Variants in CAMK2A observed in about 807,000 individuals in gnomAD.
CAMK2A encodes calcium/calmodulin dependent protein kinase II alpha.
CAMK2A carries 7 observed loss-of-function variants against 79.2 expected under a neutral mutation model. The observed-to-expected ratio is 0.09, with a 90% CI of 0.05 to 0.17. The LOEUF (loss-of-function observed/expected upper bound fraction) is 0.17, where lower values mean the gene tolerates loss of function less well. Among genes scored for constraint, CAMK2A ranks in the 10% least tolerant of loss-of-function variants. CAMK2A has a pLI of 1.00. For synonymous variants in CAMK2A, 242 were observed against 251.7 expected, an observed-to-expected ratio of 0.96 and a Z score of 0.36; for missense variants, 214 against 646.4, an observed-to-expected ratio of 0.33 and a Z score of 7.25.
At chr5:150,268,034 A>C (rs1355057851) in intron 2 of CAMK2A, among the ~76,000 whole-genome samples, 1 of 151,734 alleles carries the variant, frequency 6.6e-6, no homozygotes, top group Non-Finnish European at 1.5e-5. Context: ...CCACCATGCC[A>C]GGCTAATATT....
chr5:150,239,661 G>A (rs757304539), intron 14 of CAMK2A, 43 bp downstream of exon 14: 17 of 1,602,526 alleles, frequency 1.1e-5, no homozygotes, highest in South Asian at 4.4e-5. Context: ...GCAAGGGTTC[G>A]AGGCCCAGCA....
intron 6 of CAMK2A, among the ~76,000 whole-genome samples, chr5:150,255,891 C>T (rs1006936011): frequency 1.3e-5 from 2 of 152,202 alleles, no homozygotes; most frequent in Admixed American, 1.3e-4. Flanking sequence ...TAGTTTCCTG[C>T]TCTGCAAAAT....
Position 150,264,997 on chromosome 5 carries a change from C to T in CAMK2A, c.176G>A (p.Arg59His). Residue 59 changes from arginine (R) to histidine (H), a missense_variant, in exon 3 of 19, where the codon CGT becomes CAT. Transcript: ENST00000671881. ...CAGCAGGCGGCAGATGCGGGCTTCA[C>T]GCTCCAGCTTCTGATGGTCTGAAAC... ...LSARDHQKLE[R>H]EARICRLLKH... 1.9e-6 allele frequency: 3 copies of T among 1,613,830 alleles called. No homozygotes were observed. Among genetic ancestry groups the T allele is most frequent in the Non-Finnish European group, 2.5e-6 (3 of 1,179,754 alleles).
intron 3 of CAMK2A, among the ~76,000 whole-genome samples, chr5:150,262,229 C>T (rs1486670173): frequency 6.6e-6 from 1 of 152,196 alleles, no homozygotes; most frequent in African/African-American, 2.4e-5. Context: ...AGAGCAGTGG[C>T]CACACAGAAG....
chr5:150,278,826 T>G (rs1309531339), intron 1 of CAMK2A, among the ~76,000 whole-genome samples: 2 of 152,066 alleles, frequency 1.3e-5, no homozygotes, highest in Non-Finnish European at 2.9e-5. Context: ...AAGAGTGTGA[T>G]GCTGTGAGGC....
chr5:150,287,937 C>CTGTGTGTG (rs57886187), intron 1 of CAMK2A, among the ~76,000 whole-genome samples: 1,472 of 140,842 alleles, frequency 0.01, 15 homozygotes, highest in East Asian at 0.019. Context: ...AGGATAGCCT[C>CTGTGTGTG]TGTGTGTGTG....
At chr5:150,226,594 G>A (rs1274617892) in intron 17 of CAMK2A, among the ~76,000 whole-genome samples, 8 of 151,280 alleles carry the variant, frequency 5.3e-5, no homozygotes, top group South Asian at 2.1e-4. Flanking sequence ...AAAATTAGCC[G>A]GGTGTGTTGG....
chr5:150,284,826 G>A lies in CAMK2A; in HGVS notation c.62+4738C>T, dbSNP rs1757358477. Among the ~76,000 whole-genome samples the A allele has an allele frequency of 6.6e-6, 1 of 152,120 alleles. No individual in the cohort carries two copies. Among genetic ancestry groups the A allele is most frequent in the Non-Finnish European group, 1.5e-5 (1 of 68,018 alleles). ...AGAGACCAAGGCAAGGACCATCTAT[G>A]CAATGAGCAGAGCATCTCCATGGTC... On this transcript the variant is annotated intron_variant, in intron 1 of 18. Coordinates refer to ENST00000671881, the MANE Select transcript of CAMK2A (RefSeq NM_015981.4). This position sits in a 1 kb window ranked among gnomAD's most constrained non-coding sequence, Gnocchi z 5.3.
intron 12 of CAMK2A, among the ~76,000 whole-genome samples, chr5:150,247,329 G>A (rs1755614905): frequency 6.6e-6 from 1 of 152,234 alleles, no homozygotes; most frequent in Non-Finnish European, 1.5e-5. Context: ...AGGGATGGCA[G>A]CACCCCCATC....
chr5:150,235,474 C>A (rs888467211), intron 15 of CAMK2A, among the ~76,000 whole-genome samples: 6 of 152,264 alleles, frequency 3.9e-5, no homozygotes, highest in African/African-American at 1.2e-4. Flanking sequence ...GGTTAAGACA[C>A]TCTCTCAAGA....
At chr5:150,239,168 C>T (rs1319656823) in intron 14 of CAMK2A, among the ~76,000 whole-genome samples, 2 of 152,116 alleles carry the variant, frequency 1.3e-5, no homozygotes, top group Non-Finnish European at 2.9e-5. Flanking sequence ...GGGAGAAAAA[C>T]CACACGACTG....
chr5:150,270,130 A>G (rs540726303), intron 2 of CAMK2A, among the ~76,000 whole-genome samples: 40 of 152,304 alleles, frequency 2.6e-4, no homozygotes, highest in African/African-American at 8.9e-4. Context: ...GCTATACAGC[A>G]CCTGATGGGG....
At chr5:150,228,709 A>T (rs1001013240) in intron 16 of CAMK2A, among the ~76,000 whole-genome samples, 4 of 151,738 alleles carry the variant, frequency 2.6e-5, no homozygotes, top group African/African-American at 4.8e-5. Context: ...TGGGGTCGGG[A>T]TGGGGGACAC....
At chr5:150,274,373 G>C (rs191882865) in intron 1 of CAMK2A, among the ~76,000 whole-genome samples, 1 of 152,298 alleles carries the variant, frequency 6.6e-6, no homozygotes, top group East Asian at 1.9e-4. Flanking sequence ...ATATTGATGA[G>C]AAGTTTCCCA....
intron 12 of CAMK2A, 137 bp from the exon 13 acceptor site, chr5:150,245,338 GCCTCCTCCTCCTCCTCCTCCT>G (rs34649296): frequency 0.049 from 32,361 of 659,128 alleles, 3,323 homozygotes; most frequent in African/African-American, 0.33. Flanking sequence ...CCTGGGGGAG[GCCTCCTCCTCCTCCTCCTCCT>G]CCTCCTCCTC....
Position 150,240,587 on chromosome 5 carries a change from C to T in CAMK2A, c.985-851G>A, listed in dbSNP as rs116217760. Among the ~76,000 whole-genome samples the T allele has an allele frequency of 3.7e-3, 570 of 152,308 alleles. 3 individuals carry two copies. The highest frequency in any genetic ancestry group is 0.013 in the African/African-American group (540 of 41,560). ...GGAGAGGGGGACAAATGTAAATTAC[C>T]TTCTCCTTCCCTCAGCTCTCCAAGC... On this transcript the variant is annotated intron_variant, in intron 13 of 18. Transcript: ENST00000671881.
intron 2 of CAMK2A, among the ~76,000 whole-genome samples, chr5:150,268,160 C>A (rs1034948116): frequency 6.6e-6 from 1 of 152,064 alleles, no homozygotes; most frequent in Admixed American, 6.5e-5. Flanking sequence ...TTACCGTGCC[C>A]GGACCCACCA....
At chr5:150,231,548 G>A (rs1202597678) in intron 15 of CAMK2A, among the ~76,000 whole-genome samples, 168 bp from the exon 16 acceptor site, 3 of 149,838 alleles carry the variant, frequency 2.0e-5, no homozygotes, top group South Asian at 2.1e-4. Context: ...ATTTATCCTC[G>A]CATTGCTGCT....
chr5:150,220,399 G>A lies in CAMK2A; in HGVS notation c.*2311C>T, dbSNP rs559808389. The A allele has an allele frequency of 4.2e-4, 64 of 152,452 alleles. No homozygotes were observed. The highest frequency in any genetic ancestry group is 1.5e-3 in the African/African-American group (63 of 41,568). The allele number at this position is 152,452 out of a possible 1,614,324, so 9.4% of individuals were successfully genotyped here. Reference sequence around the variant, plus strand: ...TGACCAGGTCTAGAAGTAAACAGGAGTCCAGCCAGTGACTATCCCTGCCAG... The same window carrying A: ...TGACCAGGTCTAGAAGTAAACAGGAATCCAGCCAGTGACTATCCCTGCCAG... On this transcript the variant is annotated 3_prime_UTR_variant, in exon 19 of 19. Coordinates refer to ENST00000671881, the MANE Select transcript of CAMK2A (RefSeq NM_015981.4).
Sources: allele counts gnomAD v4.1 joint callset (sites outside exome capture counted in the v4.1 genomes callset), GRCh38; gene constraint gnomAD v4.1.1; non-coding constraint Gnocchi (gnomAD v3.1); transcripts MANE v1.5; gene names NCBI Gene and HGNC (gene_info 2026-07-23, HGNC 2026-07-21).